The following MGAT4C variants were observed in gnomAD, a reference collection of about 807,000 sequenced individuals.
MGAT4C encodes alpha-1,3-mannosyl-glycoprotein 4-beta-N-acetylglucosaminyltransferase C.
A neutral mutation model predicts 40.1 loss-of-function variants in MGAT4C; 19 were observed. That is an observed-to-expected ratio of 0.47 (90% CI 0.33 to 0.70). The LOEUF (loss-of-function observed/expected upper bound fraction) is 0.70, where lower values mean the gene tolerates loss of function less well. MGAT4C is among the 30% of genes least tolerant of loss of function. MGAT4C has a pLI of 0.02. For synonymous variants in MGAT4C, 181 were observed against 187.1 expected (o/e 0.97, Z 0.27); for missense variants, 491 against 563.2 (o/e 0.87, Z 1.30).
chr12:86,378,663 G>A (rs776195484), intron 3 of MGAT4C, among the ~76,000 whole-genome samples: 3 of 152,084 alleles, frequency 2.0e-5, no homozygotes, highest in Admixed American at 6.6e-5. Flanking sequence ...ATAGAGATCC[G>A]AATTCAATAT....
intron 1 of MGAT4C, among the ~76,000 whole-genome samples, chr12:86,205,813 T>C (rs1319405241): frequency 6.6e-6 from 1 of 152,128 alleles, no homozygotes; most frequent in African/African-American, 2.4e-5. Context: ...TACTTTGACC[T>C]AAATTAATTT....
chr12:86,404,515 CA>C (rs1369953010), intron 3 of MGAT4C, among the ~76,000 whole-genome samples: 5 of 151,978 alleles, frequency 3.3e-5, no homozygotes, highest in African/African-American at 1.2e-4. Flanking sequence ...ACTTCACACA[CA>C]GAAAAAGAGT....
intron 2 of MGAT4C, among the ~76,000 whole-genome samples, chr12:86,449,262 C>T (rs545522102): frequency 6.6e-6 from 1 of 152,178 alleles, no homozygotes; most frequent in East Asian, 1.9e-4. Flanking sequence ...GCATAGTGAG[C>T]TTTCAGGTAT....
At chr12:86,097,585 C>T (rs927252022) in intron 1 of MGAT4C, among the ~76,000 whole-genome samples, 5 of 151,436 alleles carry the variant, frequency 3.3e-5, no homozygotes, top group African/African-American at 1.2e-4. Flanking sequence ...TACCATAAGA[C>T]CAGAGAGTAT....
intron 1 of MGAT4C, among the ~76,000 whole-genome samples, chr12:86,094,371 A>G (rs1381210013): frequency 1.3e-5 from 2 of 152,218 alleles, no homozygotes; most frequent in South Asian, 2.1e-4. Context: ...GGAAGTTGTC[A>G]TGCATAAATT....
chr12:86,418,006 T>C (rs535170947), intron 3 of MGAT4C, among the ~76,000 whole-genome samples: 49 of 152,136 alleles, frequency 3.2e-4, no homozygotes, highest in East Asian at 2.5e-3. Flanking sequence ...AAGACTAGAG[T>C]CCTATCACAT....
chr12:86,393,308 A>G (rs1238243574), intron 3 of MGAT4C, among the ~76,000 whole-genome samples: 1 of 152,192 alleles, frequency 6.6e-6, no homozygotes, highest in Non-Finnish European at 1.5e-5. Flanking sequence ...TCACTTTCTT[A>G]ATTACAGCAT....
intron 1 of MGAT4C, among the ~76,000 whole-genome samples, chr12:86,206,844 T>C (rs572168844): frequency 6.6e-6 from 1 of 152,328 alleles, no homozygotes; most frequent in Non-Finnish European, 1.5e-5. Context: ...CTAAAATATA[T>C]GGTCAAAGCA....
At chr12:86,821,785 T>G (rs903559964) in intron 1 of MGAT4C, among the ~76,000 whole-genome samples, 7 of 150,916 alleles carry the variant, frequency 4.6e-5, no homozygotes, top group African/African-American at 1.7e-4. Flanking sequence ...CAAAAATTTT[T>G]GGAGAGTTAC....
chr12:86,579,275 G>A (rs1304432776), intron 2 of MGAT4C, among the ~76,000 whole-genome samples: 1 of 151,292 alleles, frequency 6.6e-6, no homozygotes, highest in Non-Finnish European at 1.5e-5. Context: ...TTTTTCTCTG[G>A]TGATATAATT....
intron 2 of MGAT4C, among the ~76,000 whole-genome samples, chr12:86,450,140 C>A (rs977377847): frequency 1.3e-5 from 2 of 152,010 alleles, no homozygotes; most frequent in Non-Finnish European, 2.9e-5. Context: ...CAACTTTTCT[C>A]GGCGGCAGTG....
At chr12:86,343,373 T>C (rs1243365811) in intron 3 of MGAT4C, among the ~76,000 whole-genome samples, 1 of 152,212 alleles carries the variant, frequency 6.6e-6, no homozygotes, top group South Asian at 2.1e-4. Context: ...GTAAGATAGA[T>C]AGGAGAAATA....
intron 2 of MGAT4C, among the ~76,000 whole-genome samples, chr12:86,442,045 G>A (rs1209844912): frequency 6.6e-6 from 1 of 152,116 alleles, no homozygotes; most frequent in African/African-American, 2.4e-5. Flanking sequence ...TCTAACTGGT[G>A]TGAGATGGTA....
chr12:86,476,152 T>TA (rs1274724773), intron 2 of MGAT4C, among the ~76,000 whole-genome samples: 1 of 152,090 alleles, frequency 6.6e-6, no homozygotes, highest in Non-Finnish European at 1.5e-5. Flanking sequence ...ATACATTACG[T>TA]AAAAATGTAG....
At chr12:86,239,916 A>G (rs1951706066) in intron 1 of MGAT4C, among the ~76,000 whole-genome samples, 1 of 150,544 alleles carries the variant, frequency 6.6e-6, no homozygotes, top group Non-Finnish European at 1.5e-5. Flanking sequence ...TGGGAGATAT[A>G]CCTAATGCTA....
chr12:86,413,535 G>A (rs1956646859), intron 3 of MGAT4C, among the ~76,000 whole-genome samples: 1 of 152,176 alleles, frequency 6.6e-6, no homozygotes, highest in Non-Finnish European at 1.5e-5. Context: ...TGGTAGATTG[G>A]ACCTGTGTGG....
Position 86,098,337 on chromosome 12 carries a change from G to T in MGAT4C, c.-56-48614C>A, listed in dbSNP as rs192848159. Among the ~76,000 whole-genome samples the T allele has an allele frequency of 2.6e-5, 4 of 151,546 alleles. No individual in the cohort carries two copies. The East Asian group carries it at 5.8e-4, about 22-fold the overall frequency. On this transcript the variant is annotated intron_variant, in intron 1 of 4. Coordinates refer to ENST00000611864, the MANE Select transcript of MGAT4C (RefSeq NM_001351288.2). Reference sequence around the variant, plus strand: ...GTTATTTTGTTTCTTTTTGCTATCAGTTATGAATCTGTCTGAAATGATTTG... The same window carrying T: ...GTTATTTTGTTTCTTTTTGCTATCATTTATGAATCTGTCTGAAATGATTTG...
chr12:86,733,891 A>G (rs1950947855), intron 1 of MGAT4C, among the ~76,000 whole-genome samples: 1 of 152,176 alleles, frequency 6.6e-6, no homozygotes, highest in African/African-American at 2.4e-5. Context: ...TTATGAAAAA[A>G]ATAATGAAAT....
chr12:86,601,277 T>G (rs1961765519), intron 2 of MGAT4C: 1 of 152,132 alleles, frequency 6.6e-6, no homozygotes, highest in East Asian at 1.9e-4. Context: ...CATTTCCGGA[T>G]GGAGACCACA....
Sources: allele counts gnomAD v4.1 joint callset (sites outside exome capture counted in the v4.1 genomes callset), GRCh38; gene constraint gnomAD v4.1.1; transcripts MANE v1.5; gene names NCBI Gene and HGNC (gene_info 2026-07-23, HGNC 2026-07-21).